Variants in GK observed in about 807,000 individuals in gnomAD.
GK encodes ATP:glycerol 3-phosphotransferase.
Under a neutral mutation model 56.4 loss-of-function variants are expected in GK, and 9 were observed. That is an observed-to-expected ratio of 0.16 (90% confidence interval 0.10 to 0.28). GK has a LOEUF of 0.28. GK is among the 10% of genes least tolerant of loss of function. The pLI, the probability that GK is intolerant of heterozygous loss-of-function variation, is 1.00. For missense variants in GK, 161 were observed against 431.4 expected, an observed-to-expected ratio of 0.37 and a Z score of 5.55; for synonymous variants, 104 against 144.1, an observed-to-expected ratio of 0.72 and a Z score of 1.99.
At chrX:30,659,334 A>G (rs1421798259) in intron 1 of GK, among the ~76,000 whole-genome samples, 2 of 112,549 alleles carry the variant, frequency 1.8e-5, no homozygotes, top group African/African-American at 6.5e-5. Flanking sequence ...TGCTCGGCCA[A>G]TTTCATTTTT....
chrX:30,687,598 G>C, intron 4 of GK: 1 of 341,922 alleles, frequency 2.9e-6, no homozygotes, highest in Non-Finnish European at 5.9e-6. Context: ...TTCAGTTCCA[G>C]CTCCTGGTAC....
At chrX:30,670,964 C>A (rs1933447976) in intron 3 of GK, among the ~76,000 whole-genome samples, 1 of 108,641 alleles carries the variant, frequency 9.2e-6, no homozygotes, top group Non-Finnish European at 1.9e-5. Flanking sequence ...GCCTGGGCAA[C>A]AGAACAAGAC....
At chrX:30,676,940 T>C (rs918052110) in intron 3 of GK, among the ~76,000 whole-genome samples, 4 of 110,701 alleles carry the variant, frequency 3.6e-5, no homozygotes, top group Non-Finnish European at 7.6e-5. Context: ...GGCATGTACA[T>C]GTGCACACAC....
chrX:30,676,065 AC>A (rs1260653995), intron 3 of GK, among the ~76,000 whole-genome samples: 1 of 112,231 alleles, frequency 8.9e-6, no homozygotes, highest in Non-Finnish European at 1.9e-5. Context: ...TGCTGGGATT[AC>A]AGGTGCAAGC....
At chrX:30,673,089 A>C (rs1821008777) in intron 3 of GK, among the ~76,000 whole-genome samples, 1 of 112,068 alleles carries the variant, frequency 8.9e-6, no homozygotes, top group African/African-American at 3.2e-5. Context: ...TTATAACTTC[A>C]CGGAAAATTT....
intron 11 of GK, among the ~76,000 whole-genome samples, chrX:30,707,328 C>CAA (rs199672974): frequency 1.9e-5 from 1 of 52,885 alleles, no homozygotes; most frequent in Admixed American, 2.3e-4. Context: ...GACTCCATCT[C>CAA]AAAAAAAAAA....
intron 5 of GK, among the ~76,000 whole-genome samples, chrX:30,692,559 A>G (rs1935008989): frequency 9.2e-6 from 1 of 109,065 alleles, no homozygotes; most frequent in Non-Finnish European, 1.9e-5. Context: ...GCTCACTGCA[A>G]CCTCTGCCTC....
chrX:30,723,021 TG>T (rs1936976543), intron 18 of GK, among the ~76,000 whole-genome samples: 1 of 111,725 alleles, frequency 9.0e-6, no homozygotes, highest in Admixed American at 9.5e-5. Flanking sequence ...ATGCTGGGGT[TG>T]GGGGGCATGG....
At chrX:30,660,020 A>C (rs902826981) in intron 1 of GK, among the ~76,000 whole-genome samples, 1 of 111,947 alleles carries the variant, frequency 8.9e-6, no homozygotes, top group Admixed American at 9.5e-5. Context: ...AAGTGCTGGG[A>C]TTACAGGCGT....
intron 1 of GK, among the ~76,000 whole-genome samples, chrX:30,658,465 G>A (rs1330429377): frequency 1.8e-5 from 2 of 111,592 alleles, no homozygotes; most frequent in Admixed American, 9.5e-5. Flanking sequence ...ACAGGTGTGC[G>A]CCACCATGCC....
chrX:30,681,416 C>T (rs138467696), intron 4 of GK, among the ~76,000 whole-genome samples: 2 of 110,957 alleles, frequency 1.8e-5, no homozygotes, highest in Non-Finnish European at 3.8e-5. Flanking sequence ...TAGACTGAAG[C>T]ACAGAGAAAC....
chrX:30,683,647 C>A (rs1934419256), intron 4 of GK, among the ~76,000 whole-genome samples: 1 of 111,840 alleles, frequency 8.9e-6, no homozygotes, highest in Non-Finnish European at 1.9e-5. Flanking sequence ...CAATTATAAA[C>A]AGAAAAAAAT....
At chrX:30,707,698 T>C (rs113026351) in intron 12 of GK, 100 bp downstream of exon 12, 21 of 517,819 alleles carry the variant, frequency 4.1e-5, no homozygotes, top group African/African-American at 4.7e-5. Context: ...CTTTAGCTTT[T>C]ACTTAATCTT....
chrX:30,694,661 CAA>C (rs1260704443), intron 6 of GK, 124 bp downstream of exon 6: 7 of 554,241 alleles, frequency 1.3e-5, no homozygotes, highest in African/African-American at 2.3e-5. Flanking sequence ...AAAAACCACT[CAA>C]AAAGCAACAG....
At chrX:30,721,095 T>A in intron 18 of GK, 100 bp downstream of exon 18, 1 of 811,598 alleles carries the variant, frequency 1.2e-6, no homozygotes, top group Non-Finnish European at 1.8e-6. Context: ...AGGAACCAAG[T>A]AAAATAGTAA....
Position 30,677,536 on chromosome X carries a change from G to A in GK, c.337+84G>A, listed in dbSNP as rs1017243681. On this transcript the variant is annotated intron_variant, in intron 4 of 20. Coordinates refer to ENST00000427190, the MANE Select transcript of GK (RefSeq NM_001205019.2). ...CATATTAAAATATCTTGCTAAAAAA[G>A]CATGCAGTCGCCAGGCATGGTGGCT... The A allele has an allele frequency of 2.9e-5, 18 of 614,169 alleles. No homozygotes were observed. In the African/African-American group the frequency reaches 3.7e-4, roughly 13 times the overall value. 50.6% of individuals were successfully genotyped at this position (614,169 alleles called of 1,213,427 possible).
At chrX:30,722,590 G>A (rs1936957270) in intron 18 of GK, among the ~76,000 whole-genome samples, 1 of 112,124 alleles carries the variant, frequency 8.9e-6, no homozygotes, top group African/African-American at 3.2e-5. Context: ...CCTAGGCATA[G>A]ATAGTACATT....
intron 11 of GK, among the ~76,000 whole-genome samples, chrX:30,701,946 T>C (rs773810461): frequency 8.9e-6 from 1 of 112,349 alleles, no homozygotes; most frequent in Admixed American, 9.4e-5. Context: ...GCCTTCTGAG[T>C]CTGAATCTGG....
chrX:30,687,467 T>C (rs1160923230), intron 4 of GK: 5 of 337,703 alleles, frequency 1.5e-5, no homozygotes, highest in African/African-American at 1.1e-4. Context: ...TCCTAAATGG[T>C]CAACAAGAGA....
Sources: gnomAD v4.1 joint callset for allele counts (sites outside exome capture counted in the v4.1 genomes callset) on GRCh38, gnomAD v4.1.1 for gene constraint, MANE v1.5 for transcripts, NCBI Gene and HGNC (gene_info 2026-07-23, HGNC 2026-07-21) for gene names.